The following KAT6A variants were observed in gnomAD, a reference collection of about 807,000 sequenced individuals.
KAT6A encodes the protein lysine acetyltransferase 6A, also known as histone acetyltransferase KAT6A.
KAT6A carries 9 observed loss-of-function variants against 198.4 expected under a neutral mutation model. The observed-to-expected ratio is 0.05, with a 90% CI of 0.03 to 0.08. KAT6A has a LOEUF of 0.08. KAT6A is among the 10% of genes least tolerant of loss of function. The pLI is 1.00. For missense variants in KAT6A, 2,077 were observed against 2,509.9 expected, an observed-to-expected ratio of 0.83 and a Z score of 3.69; for synonymous variants, 890 against 883.0, an observed-to-expected ratio of 1.01 and a Z score of -0.14.
intron 8 of KAT6A, among the ~76,000 whole-genome samples, chr8:41,968,163 A>T (rs1005002654): frequency 6.6e-6 from 1 of 152,228 alleles, no homozygotes; most frequent in Non-Finnish European, 1.5e-5. Context: ...ACAGCAAAAG[A>T]AACTACCATC....
chr8:41,931,664 A>T lies in KAT6A; in HGVS notation c.*541T>A, dbSNP rs1209356875. ...AATAATAATATTAACAATAATAATA[A>T]GTTTAAGGAGCTTGGGTTGTTCTCC... On this transcript the variant is annotated 3_prime_UTR_variant, in exon 17 of 17. Transcript: ENST00000265713. The T allele has an allele frequency of 5.4e-6, 1 of 185,888 alleles. No homozygotes were observed. Among genetic ancestry groups the T allele is most frequent in the African/African-American group, 2.3e-5 (1 of 42,576 alleles). 11.5% of individuals were successfully genotyped at this position (185,888 alleles called of 1,614,324 possible).
At chr8:41,973,335 T>A (rs1009629069) in intron 8 of KAT6A, among the ~76,000 whole-genome samples, 2 of 151,922 alleles carry the variant, frequency 1.3e-5, no homozygotes, top group Non-Finnish European at 2.9e-5. Flanking sequence ...AAGTGATTCT[T>A]CTGCCTCAGC....
chr8:42,032,628 A>G (rs1489587679), intron 2 of KAT6A, among the ~76,000 whole-genome samples: 1 of 152,208 alleles, frequency 6.6e-6, no homozygotes, highest in African/African-American at 2.4e-5. Context: ...TCAAAAAGAC[A>G]AAAGCAAATA....
At chr8:41,945,780 G>T (rs1191968891) in intron 12 of KAT6A, among the ~76,000 whole-genome samples, 1 of 151,860 alleles carries the variant, frequency 6.6e-6, no homozygotes, top group African/African-American at 2.4e-5. Context: ...TGTAATCCCA[G>T]TACTTTGGGA....
chr8:41,982,866 T>G (rs189021976), intron 3 of KAT6A, among the ~76,000 whole-genome samples: 151 of 152,352 alleles, frequency 9.9e-4, no homozygotes, highest in Non-Finnish European at 1.9e-3. Flanking sequence ...ATTATATGTA[T>G]GTATGCACAT....
chr8:41,967,707 T>C (rs1414266530), intron 8 of KAT6A, among the ~76,000 whole-genome samples: 1 of 152,132 alleles, frequency 6.6e-6, no homozygotes, highest in Non-Finnish European at 1.5e-5. Flanking sequence ...TGTTGGACAT[T>C]TGGGTTGGTT....
intron 8 of KAT6A, among the ~76,000 whole-genome samples, chr8:41,963,283 G>A (rs1229126979): frequency 1.3e-5 from 2 of 151,890 alleles, no homozygotes; most frequent in Non-Finnish European, 2.9e-5. Context: ...CCCACCCAAG[G>A]TCTCCTGTAT....
At chr8:41,963,111 A>T (rs1823291903) in intron 8 of KAT6A, among the ~76,000 whole-genome samples, 1 of 152,180 alleles carries the variant, frequency 6.6e-6, no homozygotes, top group Non-Finnish European at 1.5e-5. Context: ...CTAAACTGTA[A>T]GCTCCCAAGA....
At chr8:42,031,617 CTTTTTTTTTTTTT>C (rs11329714) in intron 2 of KAT6A, among the ~76,000 whole-genome samples, 37 of 65,106 alleles carry the variant, frequency 5.7e-4, no homozygotes, top group East Asian at 1.8e-3. Flanking sequence ...GGAGCATTCA[CTTTTTTTTTTTTT>C]TTTTTTTTTT....
intron 8 of KAT6A, among the ~76,000 whole-genome samples, chr8:41,961,329 C>T (rs1823193600): frequency 6.6e-6 from 1 of 152,262 alleles, no homozygotes; most frequent in South Asian, 2.1e-4. Flanking sequence ...CATGAGATAA[C>T]ATCTTCCTGC....
chr8:41,956,063 T>A (rs184598093), intron 8 of KAT6A, among the ~76,000 whole-genome samples: 42 of 152,256 alleles, frequency 2.8e-4, no homozygotes, highest in Admixed American at 2.7e-3. Flanking sequence ...ATGAAAACAA[T>A]CTCTATACCC....
Position 41,977,246 on chromosome 8 carries a change from T to C in KAT6A, c.1125A>G (p.Ala375=), listed in dbSNP as rs1332842727. Residue 375 remains alanine (A), a synonymous_variant, in exon 7 of 17, where the codon GCA becomes GCG. Coordinates refer to ENST00000265713, the MANE Select transcript of KAT6A (RefSeq NM_006766.5). ...KRKITLSSQS[A]SSSSEEGYLE... is the part of the protein sequence containing the mutation. ...AATATCCTTCTTCTGATGATGATGA[T>C]GCTGATTGGCTGGAAAGAGTGATTT... The C allele has an allele frequency of 6.2e-7, 1 of 1,614,254 alleles. No individual in the cohort carries two copies. The highest frequency in any genetic ancestry group is 8.5e-7 in the Non-Finnish European group (1 of 1,180,030).
chr8:41,978,210 A>G (rs1436947974), intron 6 of KAT6A, among the ~76,000 whole-genome samples: 3 of 152,230 alleles, frequency 2.0e-5, no homozygotes, highest in Non-Finnish European at 2.9e-5. Flanking sequence ...CACCTAATAG[A>G]TATTAACAAC....
At chr8:41,989,023 A>G (rs16890980) in intron 2 of KAT6A, among the ~76,000 whole-genome samples, 15,989 of 152,144 alleles carry the variant, frequency 0.11, 1,046 homozygotes, top group East Asian at 0.24. Flanking sequence ...CCATGATAGA[A>G]CTATAGTAAT....
At chr8:42,000,685 G>A (rs565882179) in intron 2 of KAT6A, among the ~76,000 whole-genome samples, 10 of 152,252 alleles carry the variant, frequency 6.6e-5, no homozygotes, top group South Asian at 4.1e-4. Context: ...TTAAGAACAC[G>A]TGAACAAATC....
chr8:41,995,541 G>A (rs2150898831), intron 2 of KAT6A, among the ~76,000 whole-genome samples: 1 of 152,156 alleles, frequency 6.6e-6, no homozygotes, highest in East Asian at 1.9e-4. Context: ...TTTGCCCAAT[G>A]CTCTCTGTTG....
At chr8:42,021,223 T>C (rs1587834431) in intron 2 of KAT6A, among the ~76,000 whole-genome samples, 1 of 152,198 alleles carries the variant, frequency 6.6e-6, no homozygotes, top group Admixed American at 6.5e-5. Context: ...TCTACTTCTA[T>C]GTCATATTAA....
intron 2 of KAT6A, among the ~76,000 whole-genome samples, chr8:42,040,938 G>A (rs1015963932): frequency 1.3e-5 from 2 of 151,798 alleles, no homozygotes; most frequent in Non-Finnish European, 2.9e-5. Context: ...CAGTTGGCCA[G>A]GTACAGTGGC....
chr8:42,003,364 A>T (rs1395049240), intron 2 of KAT6A, among the ~76,000 whole-genome samples: 1 of 152,006 alleles, frequency 6.6e-6, no homozygotes, highest in Non-Finnish European at 1.5e-5. Context: ...CTTTGAAAGC[A>T]ATCAGGCAGC....
Sources: gnomAD v4.1 joint callset for allele counts (sites outside exome capture counted in the v4.1 genomes callset) on GRCh38, gnomAD v4.1.1 for gene constraint, MANE v1.5 for transcripts, NCBI Gene and HGNC (gene_info 2026-07-23, HGNC 2026-07-21) for gene names.